The following ASAP2 variants were observed in gnomAD, a reference collection of about 807,000 sequenced individuals.
ASAP2 encodes the protein arf-GAP with SH3 domain, ANK repeat and PH domain-containing protein 2.
Under a neutral mutation model 131.4 loss-of-function variants are expected in ASAP2, and 45 were observed. The observed-to-expected ratio is 0.34, with a 90% CI of 0.27 to 0.44. The LOEUF (loss-of-function observed/expected upper bound fraction) is 0.44. ASAP2 is among the 20% of genes least tolerant of loss of function. The probability of loss-of-function intolerance (pLI) is 1.00; values close to 1 mark genes in which losing one functional copy is unlikely to be tolerated. For synonymous variants in ASAP2, 510 were observed against 503.0 expected (o/e 1.01, Z -0.19); for missense variants, 1,011 against 1,297.0 (o/e 0.78, Z 3.39).
In ASAP2 at chr2:9,281,451, A is replaced by G. The variant is rs1667123703; in HGVS notation, c.199+2062A>G. 6.6e-6 allele frequency among the ~76,000 whole-genome samples: 1 copy of G among 152,182 alleles called. No homozygotes were observed. The highest frequency in any genetic ancestry group is 2.4e-5 in the African/African-American group (1 of 41,434). ...GGAAGCTGGCCTGCAGGAATTTAAC[A>G]GCACCTCTGTCTAATTTGCCATGCT... On this transcript the variant is annotated intron_variant, in intron 2 of 27. Transcript: ENST00000281419. This position sits in a 1 kb window ranked among gnomAD's most constrained non-coding sequence, Gnocchi z 4.0.
chr2:9,400,516 C>T (rs1676573483), intron 25 of ASAP2, among the ~76,000 whole-genome samples: 2 of 151,088 alleles, frequency 1.3e-5, no homozygotes, highest in Admixed American at 6.6e-5. Flanking sequence ...GTCCTGGGGC[C>T]CCTCACCTGT....
At chr2:9,336,094 C>T (rs948872882) in intron 9 of ASAP2, 1 of 152,124 alleles carries the variant, frequency 6.6e-6, no homozygotes, top group Non-Finnish European at 1.5e-5. Flanking sequence ...ATGTTTTATT[C>T]GTGAACATAC....
chr2:9,264,856 T>TG (rs944213793), intron 1 of ASAP2, among the ~76,000 whole-genome samples: 27 of 152,294 alleles, frequency 1.8e-4, no homozygotes, highest in African/African-American at 5.8e-4. Context: ...ATACAAATTT[T>TG]GGCCAGACAC....
chr2:9,387,090 T>C (rs1675329719), intron 21 of ASAP2, among the ~76,000 whole-genome samples: 2 of 146,540 alleles, frequency 1.4e-5, no homozygotes, highest in African/African-American at 5.1e-5. Context: ...GGGGGGCGCC[T>C]GTAGTCCCAG....
At chr2:9,250,937 G>A (rs766459598) in intron 1 of ASAP2, among the ~76,000 whole-genome samples, 1 of 152,238 alleles carries the variant, frequency 6.6e-6, no homozygotes, top group Non-Finnish European at 1.5e-5. Flanking sequence ...ACTATGAAAC[G>A]AGGCGTGGTG....
intron 3 of ASAP2, among the ~76,000 whole-genome samples, chr2:9,308,895 T>C (rs11683040): frequency 0.014 from 2,074 of 152,304 alleles, 54 homozygotes; most frequent in African/African-American, 0.048. Flanking sequence ...CAGGCCATTT[T>C]AGTCAGTACC....
At chr2:9,214,176 T>A (rs569455367) in intron 1 of ASAP2, among the ~76,000 whole-genome samples, 43 of 152,362 alleles carry the variant, frequency 2.8e-4, no homozygotes, top group African/African-American at 9.6e-4. Context: ...ACGCCTTTTC[T>A]GTGTAATGTG....
intron 1 of ASAP2, among the ~76,000 whole-genome samples, chr2:9,240,296 C>T (rs991707189): frequency 6.7e-6 from 1 of 149,054 alleles, no homozygotes; most frequent in South Asian, 2.1e-4. Context: ...CTCTGTCACC[C>T]AGGCTGGAGT....
intron 1 of ASAP2, among the ~76,000 whole-genome samples, chr2:9,260,002 A>G (rs550933011): frequency 6.6e-6 from 1 of 150,966 alleles, no homozygotes; most frequent in Admixed American, 6.6e-5. Flanking sequence ...TCTGTGGTTG[A>G]GGAACCCCAC....
rs1185504499 is a variant in ASAP2 at position 9,389,821 on chromosome 2, G to T, written c.2384-1241G>T. Among the ~76,000 whole-genome samples the T allele has an allele frequency of 6.6e-6, 1 of 152,150 alleles. No individual in the cohort carries two copies. Among genetic ancestry groups the T allele is most frequent in the East Asian group, 1.9e-4 (1 of 5,192 alleles). On this transcript the variant is annotated intron_variant, in intron 22 of 27. Coordinates refer to ENST00000281419, the MANE Select transcript of ASAP2 (RefSeq NM_003887.3). This position sits in a 1 kb window ranked among gnomAD's most constrained non-coding sequence, Gnocchi z 4.7. ...ATGAGGACGTCCCTGAGCACAGAAG[G>T]CAGCTACAAGATGAAGCCACACAGT...
rs1572619031 is a variant in ASAP2 at position 9,389,613 on chromosome 2, G to A, written c.2383+1067G>A. 6.6e-6 allele frequency among the ~76,000 whole-genome samples: 1 copy of A among 152,106 alleles called. No homozygotes were observed. Among genetic ancestry groups the A allele is most frequent in the East Asian group, 1.9e-4 (1 of 5,202 alleles). ...CTGGGTGTCTCACAGACCCTCACACGGCTCTGCCCCTGTCATTCAGGGAGG... is the reference window on the plus strand; with the variant it reads ...CTGGGTGTCTCACAGACCCTCACACAGCTCTGCCCCTGTCATTCAGGGAGG... On this transcript the variant is annotated intron_variant, in intron 22 of 27. Transcript: ENST00000281419. The surrounding 1 kb of genome is among the most constrained non-coding windows in gnomAD (Gnocchi z 4.7).
At chr2:9,346,384 C>T (rs959093794) in intron 11 of ASAP2, among the ~76,000 whole-genome samples, 4 of 149,424 alleles carry the variant, frequency 2.7e-5, no homozygotes, top group Non-Finnish European at 5.9e-5. Flanking sequence ...TGTGGTGAGC[C>T]GATATCACGC....
At chr2:9,344,442 A>AG in intron 9 of ASAP2, 90 bp from the exon 10 acceptor site, 1 of 1,060,818 alleles carries the variant, frequency 9.4e-7, no homozygotes, top group African/African-American at 1.6e-5. Flanking sequence ...TAAAAAAAAA[A>AG]CACATTAGGC....
chr2:9,235,892 C>A (rs1663517582), intron 1 of ASAP2, among the ~76,000 whole-genome samples: 1 of 152,144 alleles, frequency 6.6e-6, no homozygotes, highest in Non-Finnish European at 1.5e-5. Flanking sequence ...GGAGCTGCTC[C>A]ACCTGGCAGT....
chr2:9,310,245 C>T (rs1020518477), intron 3 of ASAP2, among the ~76,000 whole-genome samples: 2 of 152,190 alleles, frequency 1.3e-5, no homozygotes, highest in African/African-American at 4.8e-5. Context: ...AGCGTCTTTT[C>T]TACCTCTCAA....
intron 3 of ASAP2, among the ~76,000 whole-genome samples, chr2:9,305,291 T>G (rs111281823): frequency 3.0e-4 from 38 of 127,800 alleles, no homozygotes; most frequent in African/African-American, 6.5e-4. Context: ...GATGTTGGTG[T>G]AGAGGCTGTA....
intron 3 of ASAP2, among the ~76,000 whole-genome samples, chr2:9,315,978 G>A (rs780245534): frequency 2.2e-4 from 33 of 152,106 alleles, no homozygotes; most frequent in Non-Finnish European, 4.4e-4. Context: ...GGATGCAGAC[G>A]TTATTATACA....
At chr2:9,260,475 G>A (rs1390287437) in intron 1 of ASAP2, among the ~76,000 whole-genome samples, 1 of 152,194 alleles carries the variant, frequency 6.6e-6, no homozygotes. Flanking sequence ...GCTGCGGGTG[G>A]AGCGGGGCCC....
chr2:9,252,735 G>A (rs563819557), intron 1 of ASAP2, among the ~76,000 whole-genome samples: 17 of 152,076 alleles, frequency 1.1e-4, no homozygotes, highest in Middle Eastern at 3.4e-3. Context: ...CTAACACGGT[G>A]AAACCCTGTC....
Sources: allele counts gnomAD v4.1 joint callset (sites outside exome capture counted in the v4.1 genomes callset), GRCh38; gene constraint gnomAD v4.1.1; non-coding constraint Gnocchi (gnomAD v3.1); transcripts MANE v1.5; gene names NCBI Gene and HGNC (gene_info 2026-07-23, HGNC 2026-07-21).